EYA1: variants seen among roughly 807,000 people sequenced by gnomAD.
EYA1 encodes EYA transcriptional coactivator and phosphatase 1.
A neutral mutation model predicts 82.0 loss-of-function variants in EYA1; 16 were observed. The ratio of observed to expected loss-of-function variants is 0.20; its 90% CI spans 0.13 to 0.30. The LOEUF (loss-of-function observed/expected upper bound fraction) is 0.30, where lower values mean the gene tolerates loss of function less well. Ranked by LOEUF, EYA1 falls within the 10% of genes least tolerant of loss-of-function variation. EYA1 has a pLI of 1.00. For missense variants in EYA1, 633 were observed against 730.7 expected, an observed-to-expected ratio of 0.87 and a Z score of 1.54; for synonymous variants, 261 against 264.4, an observed-to-expected ratio of 0.99 and a Z score of 0.12.
At chr8:71,250,236 T>G (rs1027294876) in intron 11 of EYA1, among the ~76,000 whole-genome samples, 26 of 152,216 alleles carry the variant, frequency 1.7e-4, no homozygotes, top group Admixed American at 2.6e-4. Flanking sequence ...TGTTTCTGAT[T>G]TTTCAAACTG....
At chr8:71,447,002 T>TA (rs1295107879) in intron 2 of EYA1, among the ~76,000 whole-genome samples, 2 of 151,788 alleles carry the variant, frequency 1.3e-5, no homozygotes, top group Middle Eastern at 3.4e-3. Flanking sequence ...CCAGCAAAAC[T>TA]AAAAAAATGC....
chr8:71,471,689 G>T (rs904189181), intron 2 of EYA1, among the ~76,000 whole-genome samples: 4 of 152,020 alleles, frequency 2.6e-5, no homozygotes, highest in Admixed American at 6.6e-5. Flanking sequence ...ACAGCATGGA[G>T]CTTCTACCTT....
At chr8:71,215,821 C>T in intron 14 of EYA1, 93 bp from the exon 15 acceptor site, 3 of 779,620 alleles carry the variant, frequency 3.8e-6, no homozygotes, top group Non-Finnish European at 4.5e-6. Context: ...ACTATGAATA[C>T]CAGCCTCCAG....
At chr8:71,216,583 C>T (rs1162023490) in intron 14 of EYA1, 109 bp downstream of exon 14, 3 of 1,198,204 alleles carry the variant, frequency 2.5e-6, no homozygotes, top group South Asian at 1.2e-5. Context: ...TGAAACTGCC[C>T]AAATAGAAGC....
intron 2 of EYA1, among the ~76,000 whole-genome samples, chr8:71,412,116 A>T (rs1721172633): frequency 6.9e-6 from 1 of 145,236 alleles, no homozygotes; most frequent in African/African-American, 2.6e-5. Context: ...ATTCTCAGTA[A>T]ACTATCACAA....
At chr8:71,473,016 TGACTTAGA>T (rs1809351480) in intron 2 of EYA1, among the ~76,000 whole-genome samples, 1 of 151,916 alleles carries the variant, frequency 6.6e-6, no homozygotes, top group Non-Finnish European at 1.5e-5. Flanking sequence ...CAATGTGTTA[TGACTTAGA>T]TAAAAATGAG....
intron 2 of EYA1, among the ~76,000 whole-genome samples, chr8:71,457,066 A>G (rs538994089): frequency 6.6e-6 from 1 of 152,330 alleles, no homozygotes; most frequent in South Asian, 2.1e-4. Context: ...ATTTACAAGA[A>G]AAAAACAAAC....
At chr8:71,405,123 A>C (rs34934668) in intron 2 of EYA1, among the ~76,000 whole-genome samples, 4 of 151,872 alleles carry the variant, frequency 2.6e-5, no homozygotes, top group Admixed American at 2.0e-4. Context: ...ATCATATTAC[A>C]CGTTCCAGAA....
At chr8:71,394,949 G>T (rs369471953) in intron 2 of EYA1, among the ~76,000 whole-genome samples, 1 of 152,076 alleles carries the variant, frequency 6.6e-6, no homozygotes, top group Admixed American at 6.5e-5. Flanking sequence ...CCATTTGTTT[G>T]TATCCTCTTT....
intron 2 of EYA1, among the ~76,000 whole-genome samples, chr8:71,368,993 C>A (rs1174792446): frequency 6.8e-6 from 1 of 148,094 alleles, no homozygotes; most frequent in Non-Finnish European, 1.5e-5. Context: ...TCGAGACCAG[C>A]CTGACCAACA....
intron 2 of EYA1, among the ~76,000 whole-genome samples, chr8:71,371,531 A>C (rs987539958): frequency 6.6e-6 from 1 of 152,216 alleles, no homozygotes; most frequent in African/African-American, 2.4e-5. Context: ...CATTTAACTA[A>C]AGTAAAAACC....
intron 12 of EYA1, among the ~76,000 whole-genome samples, chr8:71,218,556 G>A (rs572777316): frequency 6.7e-4 from 102 of 152,246 alleles, no homozygotes; most frequent in Non-Finnish European, 1.2e-3. Context: ...CTGCTCTCCT[G>A]AGGTCCATAA....
At chr8:71,488,312 G>T (rs1810723634) in intron 2 of EYA1, among the ~76,000 whole-genome samples, 1 of 151,338 alleles carries the variant, frequency 6.6e-6, no homozygotes, top group South Asian at 2.1e-4. Flanking sequence ...TGATATAAAG[G>T]ATAATATAAT....
At chr8:71,404,841 C>T (rs2129131453) in intron 2 of EYA1, 1 of 150,776 alleles carries the variant, frequency 6.6e-6, no homozygotes, top group East Asian at 2.0e-4. Flanking sequence ...CGGCGCGAAC[C>T]CGGGAGGCGG....
At chr8:71,466,748 G>C (rs1808798030) in intron 2 of EYA1, among the ~76,000 whole-genome samples, 1 of 152,072 alleles carries the variant, frequency 6.6e-6, no homozygotes, top group Non-Finnish European at 1.5e-5. Flanking sequence ...AAAAATAATA[G>C]AGCAAGAAGA....
At chr8:71,441,381 G>T (rs1806424381) in intron 2 of EYA1, among the ~76,000 whole-genome samples, 1 of 152,034 alleles carries the variant, frequency 6.6e-6, no homozygotes, top group Non-Finnish European at 1.5e-5. Context: ...CTGCACTCCA[G>T]CCTGAGTGAC....
At chr8:71,517,957 T>C (rs1445272325) in intron 2 of EYA1, among the ~76,000 whole-genome samples, 2 of 151,898 alleles carry the variant, frequency 1.3e-5, no homozygotes, top group South Asian at 2.1e-4. Flanking sequence ...TTTTTAATCA[T>C]AAATTCTTCA....
At chr8:71,502,480 T>A (rs1287872016) in intron 2 of EYA1, among the ~76,000 whole-genome samples, 1 of 152,230 alleles carries the variant, frequency 6.6e-6, no homozygotes, top group Non-Finnish European at 1.5e-5. Context: ...GGATGCCCAA[T>A]GATATTTGAA....
chr8:71,376,022 G>A lies in EYA1; in HGVS notation c.34-19511C>T, dbSNP rs538436508. ...TAGACAGTTTTCTGCTCCTATGTATGGTGCATGTGTATAAATTATTGACAA... is the reference window on the plus strand; with the variant it reads ...TAGACAGTTTTCTGCTCCTATGTATAGTGCATGTGTATAAATTATTGACAA... On this transcript the variant is annotated intron_variant, in intron 2 of 18. Transcript: ENST00000643681. 1.5e-3 allele frequency among the ~76,000 whole-genome samples: 228 copies of A among 152,248 alleles called. 1 individual carries two copies. Among genetic ancestry groups the A allele is most frequent in the African/African-American group, 5.3e-3 (222 of 41,540 alleles).
Sources: gnomAD v4.1 joint callset for allele counts (sites outside exome capture counted in the v4.1 genomes callset) on GRCh38, gnomAD v4.1.1 for gene constraint, MANE v1.5 for transcripts, NCBI Gene and HGNC (gene_info 2026-07-23, HGNC 2026-07-21) for gene names.